Variants in WNK3 observed in about 807,000 individuals in gnomAD.
WNK3 encodes WNK lysine deficient protein kinase 3.
In WNK3, 18 loss-of-function variants were observed where a neutral mutation model predicts 116.7. The observed-to-expected ratio is 0.15, with a 90% CI of 0.11 to 0.23. The LOEUF (loss-of-function observed/expected upper bound fraction) is 0.23. WNK3 is among the 10% of genes least tolerant of loss of function. The probability of loss-of-function intolerance (pLI) is 1.00; values close to 1 mark genes in which losing one functional copy is unlikely to be tolerated. For synonymous variants in WNK3, 404 were observed against 469.4 expected (o/e 0.86, Z 1.80); for missense variants, 993 against 1,323.8 (o/e 0.75, Z 3.88).
At chrX:54,354,732 A>G (rs2069569540) in intron 1 of WNK3, among the ~76,000 whole-genome samples, 2 of 111,633 alleles carry the variant, frequency 1.8e-5, no homozygotes, top group African/African-American at 6.5e-5. Flanking sequence ...AAATATGCTA[A>G]TAAGTATTAT....
chrX:54,232,857 T>C, exon 21 of WNK3: 1 of 1,211,571 alleles, frequency 8.3e-7, no homozygotes, highest in Non-Finnish European at 1.1e-6. Flanking sequence ...TGGGGGCGGC[T>C]TCGAAGTTTG....
intron 22 of WNK3, 38 bp downstream of exon 22, chrX:54,228,676 A>G (rs555571901): frequency 4.3e-6 from 2 of 463,296 alleles, no homozygotes; most frequent in South Asian, 7.0e-5. Context: ...GTAATTTTTT[A>G]AAAAAATTAA....
intron 17 of WNK3, among the ~76,000 whole-genome samples, chrX:54,239,713 G>A (rs963844524): frequency 5.4e-5 from 6 of 111,207 alleles, no homozygotes; most frequent in Non-Finnish European, 1.1e-4. Context: ...TCTTGTTAAC[G>A]TCAGGCTATG....
intron 2 of WNK3, among the ~76,000 whole-genome samples, chrX:54,315,614 G>A (rs1172365058): frequency 9.0e-6 from 1 of 111,442 alleles, no homozygotes; most frequent in East Asian, 2.8e-4. Context: ...TTAGCTTCTA[G>A]CATTGAAGAT....
chrX:54,323,385 C>G (rs372088573), intron 2 of WNK3, among the ~76,000 whole-genome samples: 2 of 111,000 alleles, frequency 1.8e-5, no homozygotes, highest in African/African-American at 6.5e-5. Flanking sequence ...AAGGGCCAAG[C>G]ATGGTGGCTC....
chrX:54,285,098 G>T (rs1480885781), intron 10 of WNK3, among the ~76,000 whole-genome samples: 1 of 111,496 alleles, frequency 9.0e-6, no homozygotes, highest in Non-Finnish European at 1.9e-5. Context: ...TCTAGAACAG[G>T]CTAAGCTAAT....
intron 12 of WNK3, 26 bp downstream of exon 12, chrX:54,255,714 T>C: frequency 8.3e-7 from 1 of 1,200,858 alleles, no homozygotes. Context: ...TATGTACTCT[T>C]AACCAAACCA....
chrX:54,237,216 C>T, exon 20 of WNK3: 1 of 1,211,923 alleles, frequency 8.3e-7, no homozygotes, highest in Non-Finnish European at 1.1e-6. Flanking sequence ...CAGATCCAGA[C>T]TGCATGCTAC....
At chrX:54,301,953 T>C (rs1210503493) in intron 5 of WNK3, 94 bp from the exon 6 acceptor site, 31 of 614,050 alleles carry the variant, frequency 5.0e-5, no homozygotes, top group Middle Eastern at 4.5e-4. Context: ...CACTAAACCA[T>C]AGTCAAGTTT....
chrX:54,333,763 T>C, exon 2 of WNK3: 1 of 679,691 alleles, frequency 1.5e-6, no homozygotes. Flanking sequence ...ATGGACTTCC[T>C]TTTGCGTGGT....
chrX:54,283,641 C>T (rs1017060518), intron 10 of WNK3, among the ~76,000 whole-genome samples: 3 of 108,170 alleles, frequency 2.8e-5, no homozygotes, highest in Admixed American at 2.0e-4. Context: ...TGGTGGCAGG[C>T]GCCTGTAGTC....
intron 22 of WNK3, among the ~76,000 whole-genome samples, chrX:54,205,244 C>G (rs1557142440): frequency 1.1e-5 from 1 of 88,370 alleles, no homozygotes; most frequent in Admixed American, 1.2e-4. Context: ...ACCAACCAAC[C>G]AACCAACCAA....
chrX:54,319,276 C>A (rs1557171655), intron 2 of WNK3, among the ~76,000 whole-genome samples: 1 of 111,225 alleles, frequency 9.0e-6, no homozygotes, highest in East Asian at 2.8e-4. Flanking sequence ...GATCCTCCCA[C>A]CTCAGCCTAC....
At position 54,288,800 on chromosome X, in the gene WNK3, T is replaced by G. The variant is rs190506288; in HGVS notation, c.2037+4088A>C. Among the ~76,000 whole-genome samples, 174 of 111,575 alleles carry G rather than the reference T, an allele frequency of 1.6e-3. 2 individuals are homozygous for G. The highest frequency in any genetic ancestry group is 2.6e-3 in the Non-Finnish European group (137 of 53,195). On this transcript the variant is annotated intron_variant, in intron 10 of 23. Transcript: ENST00000354646. ...TTAAATACATCCTTTGTTCCAATGT[T>G]GAAGAAGAACTACCTTGGGGTTGTG... is the stretch of plus-strand genomic sequence containing the variant.
chrX:54,343,873 C>G (rs2147303824), intron 1 of WNK3, among the ~76,000 whole-genome samples: 1 of 110,215 alleles, frequency 9.1e-6, no homozygotes, highest in East Asian at 2.9e-4. Flanking sequence ...ATTGCCCCGG[C>G]TCCTCTCAAA....
intron 17 of WNK3, among the ~76,000 whole-genome samples, chrX:54,240,488 T>C (rs1277393879): frequency 9.0e-6 from 1 of 111,577 alleles, no homozygotes; most frequent in Non-Finnish European, 1.9e-5. Context: ...CCACTGAAAT[T>C]ACAGAAAAGA....
intron 22 of WNK3, among the ~76,000 whole-genome samples, chrX:54,219,502 G>C (rs1248366082): frequency 1.8e-5 from 2 of 108,270 alleles, no homozygotes; most frequent in Admixed American, 1.0e-4. Context: ...CAACATGGTG[G>C]TACCATTTCT....
chrX:54,201,108 T>C (rs2067497111), intron 23 of WNK3, among the ~76,000 whole-genome samples: 1 of 111,713 alleles, frequency 9.0e-6, no homozygotes, highest in African/African-American at 3.2e-5. Flanking sequence ...GATTCCATTT[T>C]AATAGGTTTA....
At chrX:54,194,332 A>G (rs2067425242) in exon 24 of WNK3, 1 of 112,307 alleles carries the variant, frequency 8.9e-6, no homozygotes, top group African/African-American at 3.2e-5. Context: ...GCAAATACCT[A>G]GCACTGTGCT....
Sources: gnomAD v4.1 joint callset for allele counts (sites outside exome capture counted in the v4.1 genomes callset) on GRCh38, gnomAD v4.1.1 for gene constraint, MANE v1.5 for transcripts, NCBI Gene and HGNC (gene_info 2026-07-23, HGNC 2026-07-21) for gene names.